Variants in NBEA observed in about 807,000 individuals in gnomAD.
NBEA encodes neurobeachin.
A neutral mutation model predicts 343.4 loss-of-function variants in NBEA; 44 were observed. That is an observed-to-expected ratio of 0.13 (90% CI 0.10 to 0.16). The LOEUF is 0.16. Among genes scored for constraint, NBEA ranks in the 10% least tolerant of loss-of-function variants. The pLI is 1.00. For missense variants in NBEA, 2,555 were observed against 3,631.3 expected (o/e 0.70, Z 7.62); for synonymous variants, 1,175 against 1,238.7 (o/e 0.95, Z 1.08).
At chr13:35,213,796 C>T (rs920728853) in intron 33 of NBEA, among the ~76,000 whole-genome samples, 1 of 151,924 alleles carries the variant, frequency 6.6e-6, no homozygotes, top group Admixed American at 6.6e-5. Flanking sequence ...TTTGAGCATA[C>T]ATTTTAATGA....
intron 8 of NBEA, among the ~76,000 whole-genome samples, chr13:35,065,526 T>C (rs892459166): frequency 4.5e-4 from 69 of 152,104 alleles, no homozygotes; most frequent in African/African-American, 1.6e-3. Context: ...TCTTGTACTA[T>C]ACTTTTAGAA....
chr13:35,475,516 A>G, intron 41 of NBEA: 1 of 1,612,154 alleles, frequency 6.2e-7, no homozygotes, highest in Non-Finnish European at 8.5e-7. Context: ...CAAGAGATTG[A>G]AACCTTCCGC....
At position 35,049,572 on chromosome 13, in the gene NBEA, G is replaced by T. The variant is rs142916090; in HGVS notation, c.846-697G>T. On this transcript the variant is annotated intron_variant, in intron 5 of 58. Coordinates refer to ENST00000379939, the MANE Select transcript of NBEA (RefSeq NM_001385012.1). ...TATAAAATATATATGGATAAAATGA[G>T]ACCAAGTTTTAAATAAGCATCTGAA... Among the ~76,000 whole-genome samples, 27 of 151,838 alleles carry T rather than the reference G, an allele frequency of 1.8e-4. No individual in the cohort carries two copies. The East Asian group carries it at 4.4e-3, about 25-fold the overall frequency.
intron 33 of NBEA, among the ~76,000 whole-genome samples, chr13:35,215,714 G>C (rs945062215): frequency 8.6e-5 from 13 of 151,502 alleles, no homozygotes; most frequent in Admixed American, 2.6e-4. Flanking sequence ...ACTTTCTGTA[G>C]TTTCCTTATT....
chr13:35,425,434 A>G (rs951415500), intron 38 of NBEA, among the ~76,000 whole-genome samples: 36 of 152,152 alleles, frequency 2.4e-4, no homozygotes, highest in African/African-American at 7.5e-4. Flanking sequence ...CAGGTTGTTC[A>G]GTTTCCATGT....
At chr13:35,553,882 G>C (rs1268991627) in intron 43 of NBEA, among the ~76,000 whole-genome samples, 2 of 152,160 alleles carry the variant, frequency 1.3e-5, no homozygotes, top group African/African-American at 4.8e-5. Context: ...TTTCAACTTA[G>C]AATGATTAGA....
chr13:35,277,032 C>CA (rs2034634500), intron 34 of NBEA, among the ~76,000 whole-genome samples: 1 of 152,154 alleles, frequency 6.6e-6, no homozygotes, highest in Non-Finnish European at 1.5e-5. Flanking sequence ...AACAATGCAA[C>CA]ATAAGCATCT....
In NBEA at chr13:35,555,087, C is replaced by T. The variant is rs773485630; in HGVS notation, c.6907C>T (p.Leu2303Phe). ...TTCAAACTTCGAATATTTGATGTTC[C>T]TTAATACTATTGCAGGTAAGATGTC... is the stretch of plus-strand genomic sequence containing the variant. ...EISNFEYLMF[L>F]NTIAGRTYND... The change falls in exon 44 of 59, where the codon CTT (leucine) becomes TTT (phenylalanine). Residue 2303 changes from leucine (L) to phenylalanine (F), a missense_variant. Physicochemically the swap from Leu to Phe is conservative, Grantham distance 22 (BLOSUM62 0). Coordinates refer to ENST00000379939, the MANE Select transcript of NBEA (RefSeq NM_001385012.1). The T allele has an allele frequency of 1.3e-6, 2 of 1,587,538 alleles. No homozygotes were observed. The highest frequency in any genetic ancestry group is 1.7e-6 in the Non-Finnish European group (2 of 1,157,650).
At chr13:35,319,007 T>C (rs1008159424) in intron 36 of NBEA, among the ~76,000 whole-genome samples, 4 of 152,204 alleles carry the variant, frequency 2.6e-5, no homozygotes, top group Admixed American at 2.0e-4. Flanking sequence ...TTTTTATTAT[T>C]CTGGCTAGAG....
intron 35 of NBEA, among the ~76,000 whole-genome samples, chr13:35,299,573 G>A (rs1319994219): frequency 6.6e-6 from 1 of 152,150 alleles, no homozygotes; most frequent in Non-Finnish European, 1.5e-5. Flanking sequence ...GAAATTTTAT[G>A]CATCCATGTT....
intron 48 of NBEA, among the ~76,000 whole-genome samples, 181 bp from the exon 49 acceptor site, chr13:35,627,900 A>G (rs1015265042): frequency 5.9e-5 from 9 of 152,210 alleles, no homozygotes; most frequent in Admixed American, 4.6e-4. Flanking sequence ...TCTGTAAAAT[A>G]CTACTGAGGT....
intron 1 of NBEA, among the ~76,000 whole-genome samples, chr13:35,025,266 G>C (rs571767538): frequency 2.6e-5 from 4 of 152,178 alleles, no homozygotes; most frequent in African/African-American, 9.6e-5. Context: ...ATGTCTAGAA[G>C]GCTATTTCTT....
chr13:35,667,145 G>C (rs2085392837), intron 56 of NBEA, among the ~76,000 whole-genome samples: 1 of 152,196 alleles, frequency 6.6e-6, no homozygotes. Context: ...AAAAGACCAA[G>C]TATCTACCTG....
At chr13:35,272,224 T>G (rs1379828340) in intron 34 of NBEA, among the ~76,000 whole-genome samples, 1 of 152,146 alleles carries the variant, frequency 6.6e-6, no homozygotes, top group Non-Finnish European at 1.5e-5. Flanking sequence ...GAAAATAATT[T>G]TCAACCCAGA....
intron 34 of NBEA, among the ~76,000 whole-genome samples, chr13:35,278,464 G>T (rs1309582318): frequency 6.6e-6 from 1 of 152,118 alleles, no homozygotes; most frequent in African/African-American, 2.4e-5. Context: ...TAACCAAAAT[G>T]CTCAAGGTCT....
chr13:35,598,960 C>T (rs902855172), intron 47 of NBEA, among the ~76,000 whole-genome samples: 3 of 152,184 alleles, frequency 2.0e-5, no homozygotes, highest in African/African-American at 7.2e-5. Flanking sequence ...TCTTGCATAG[C>T]TTATCTCTTT....
chr13:34,962,228 CTA>C (rs1183672533), intron 1 of NBEA, among the ~76,000 whole-genome samples: 3 of 151,952 alleles, frequency 2.0e-5, no homozygotes, highest in East Asian at 1.9e-4. Flanking sequence ...TAGAAAGAAA[CTA>C]AAATATATTC....
At chr13:35,594,259 C>T (rs572900676) in intron 47 of NBEA, among the ~76,000 whole-genome samples, 19 of 151,928 alleles carry the variant, frequency 1.3e-4, no homozygotes, top group Non-Finnish European at 1.8e-4. Flanking sequence ...AAAAATGTTA[C>T]GGTATCATTC....
intron 38 of NBEA, among the ~76,000 whole-genome samples, chr13:35,430,303 G>A (rs528417405): frequency 1.4e-4 from 22 of 152,152 alleles, no homozygotes; most frequent in African/African-American, 2.4e-5. Context: ...ACTTTTCGAT[G>A]GGATTGGTTG....
Sources: allele counts gnomAD v4.1 joint callset (sites outside exome capture counted in the v4.1 genomes callset), GRCh38; gene constraint gnomAD v4.1.1; transcripts MANE v1.5; gene names NCBI Gene and HGNC (gene_info 2026-07-23, HGNC 2026-07-21).